YJU2B: variants seen among roughly 807,000 people sequenced by gnomAD.
YJU2B encodes the protein probable splicing factor YJU2B.
YJU2B carries 18 observed loss-of-function variants against 38.0 expected under a neutral mutation model. That is an observed-to-expected ratio of 0.47 (90% CI 0.33 to 0.70). YJU2B has a LOEUF of 0.70. Among genes scored for constraint, YJU2B ranks in the 30% least tolerant of loss-of-function variants. YJU2B has a pLI of 0.02. For synonymous variants in YJU2B, 246 were observed against 225.4 expected (o/e 1.09, Z -0.82); for missense variants, 538 against 556.3 (o/e 0.97, Z 0.33).
chr19:13,747,652 G>C (rs1363946025), upstream of YJU2B: 1 of 152,488 alleles, frequency 6.6e-6, no homozygotes, highest in Non-Finnish European at 1.5e-5. Context: ...GCTGCAGCGC[G>C]CAGGACAGCA....
Position 13,756,186 on chromosome 19 carries a change from T to C in YJU2B, c.58-11T>C. ...AGCAGCACTAATCCGCTCCTCATCC[T>C]CTCCACACAGCATGGCTCTCTCAAC... On this transcript the variant is annotated splice_polypyrimidine_tract_variant and intron_variant, in intron 3 of 9. Coordinates refer to ENST00000221554, the MANE Select transcript of YJU2B (RefSeq NM_030818.4). 1 of 1,612,568 alleles carries C rather than the reference T, an allele frequency of 6.2e-7. No individual in the cohort carries two copies. The highest frequency in any genetic ancestry group is 8.5e-7 in the Non-Finnish European group (1 of 1,178,810).
intron 2 of YJU2B, among the ~76,000 whole-genome samples, chr19:13,739,786 T>G (rs1382664111): frequency 1.3e-5 from 2 of 152,142 alleles, no homozygotes; most frequent in African/African-American, 4.8e-5. Flanking sequence ...ACGTGCAGGT[T>G]TGTTACACAG....
chr19:13,761,049 G>C (rs1461428851), intron 8 of YJU2B, among the ~76,000 whole-genome samples: 1 of 152,040 alleles, frequency 6.6e-6, no homozygotes, highest in Non-Finnish European at 1.5e-5. Context: ...GATTACAGGC[G>C]TGAGCCACTG....
At chr19:13,760,204 G>A (rs1466967312) in intron 8 of YJU2B, among the ~76,000 whole-genome samples, 1 of 151,860 alleles carries the variant, frequency 6.6e-6, no homozygotes, top group African/African-American at 2.4e-5. Context: ...GATTACAGGC[G>A]TGAGCCACCG....
At chr19:13,735,529 GTT>G (rs544973465) in intron 2 of YJU2B, among the ~76,000 whole-genome samples, 1 of 142,264 alleles carries the variant, frequency 7.0e-6, no homozygotes. Context: ...CAGTGTCTGT[GTT>G]TTTTTTTTTT....
chr19:13,757,896 C>T (rs902149575), intron 6 of YJU2B, 50 bp downstream of exon 6: 20 of 1,513,928 alleles, frequency 1.3e-5, no homozygotes, highest in East Asian at 6.8e-5. Flanking sequence ...GGCCACAGGG[C>T]GAGGGGGCTA....
At chr19:13,757,719 C>G (rs571438955) in intron 5 of YJU2B, 67 bp from the exon 6 acceptor site, 1 of 1,496,098 alleles carries the variant, frequency 6.7e-7, no homozygotes, top group Non-Finnish European at 9.3e-7. Context: ...CTCTTTGTAC[C>G]TCATTTTACC....
At chr19:13,744,175 A>G (rs943595840), upstream of YJU2B, among the ~76,000 whole-genome samples, 1 of 152,084 alleles carries the variant, frequency 6.6e-6, no homozygotes, top group Non-Finnish European at 1.5e-5. Flanking sequence ...TGGGCAACAG[A>G]GACTTAGTCT....
intron 8 of YJU2B, among the ~76,000 whole-genome samples, chr19:13,760,040 C>T (rs537942155): frequency 1.3e-5 from 2 of 152,182 alleles, no homozygotes; most frequent in East Asian, 3.9e-4. Flanking sequence ...TATCTGCCTG[C>T]CTCGGCCTCC....
At chr19:13,744,362 C>CT (rs1973175425), upstream of YJU2B, among the ~76,000 whole-genome samples, 1 of 152,154 alleles carries the variant, frequency 6.6e-6, no homozygotes, top group South Asian at 2.1e-4. Flanking sequence ...AAAGTTTAGT[C>CT]TTCACTTCCC....
exon 2 of YJU2B, chr19:13,732,267 C>T (rs1334570989): frequency 2.0e-5 from 3 of 152,170 alleles, no homozygotes; most frequent in Non-Finnish European, 4.4e-5. Flanking sequence ...TGGAGTAACC[C>T]TCACTGGAGA....
chr19:13,757,594 G>C, intron 5 of YJU2B, 121 bp downstream of exon 5: 2 of 1,113,752 alleles, frequency 1.8e-6, no homozygotes, highest in Admixed American at 3.8e-5. Flanking sequence ...GGGCACCCGA[G>C]TGACTGGCTG....
At chr19:13,736,254 C>CTTTTTTTTTTT (rs60385996) in intron 2 of YJU2B, among the ~76,000 whole-genome samples, 1 of 104,244 alleles carries the variant, frequency 9.6e-6, no homozygotes, top group Non-Finnish European at 1.8e-5. Context: ...TTCTTTCTTT[C>CTTTTTTTTTTT]TTTTTTTTTT....
At chr19:13,734,638 G>A (rs1025963972) in intron 2 of YJU2B, among the ~76,000 whole-genome samples, 18 of 152,040 alleles carry the variant, frequency 1.2e-4, no homozygotes, top group African/African-American at 4.1e-4. Context: ...ACCCAGCCTG[G>A]AGTGCAGTGC....
chr19:13,754,198 C>A, intron 2 of YJU2B, 91 bp from the exon 3 acceptor site: 2 of 1,013,346 alleles, frequency 2.0e-6, no homozygotes, highest in South Asian at 2.6e-5. Context: ...AATAAAAAAT[C>A]AGAAAAAATT....
At chr19:13,739,725 AG>A (rs1273534412) in intron 2 of YJU2B, among the ~76,000 whole-genome samples, 15 of 152,300 alleles carry the variant, frequency 9.8e-5, no homozygotes, top group African/African-American at 3.4e-4. Context: ...CTCAGAAAGC[AG>A]GTCAAATAAG....
rs200372696 is a variant in YJU2B, at chr19:13,757,786, G to A, written c.197G>A (p.Gly66Asp). 25 of 1,613,784 alleles carry A rather than the reference G, an allele frequency of 1.5e-5. No homozygotes were observed. The highest frequency in any genetic ancestry group is 8.5e-7 in the Non-Finnish European group (1 of 1,179,910). The change falls in exon 6 of 10, where the codon GGT becomes GAT. Residue 66 changes from glycine to aspartate, a missense_variant and splice_region_variant. By Grantham distance (94) the Gly-to-Asp change is moderately conservative. Around this residue, in one of 2 missense-constraint regions of YJU2B, gnomAD observed 488 missense variants for 469.5 expected, o/e 1.04. Coordinates refer to ENST00000221554, the MANE Select transcript of YJU2B (RefSeq NM_030818.4). The part of the protein sequence containing the change: ...CDGCKNHIGM[G>D]VRYNAEKKKV... Reference sequence around the variant, plus strand: ...CCACCCCCGCCTGACCCCCTTCCAGGTGTTCGTTACAATGCAGAAAAGAAG... The same window carrying A: ...CCACCCCCGCCTGACCCCCTTCCAGATGTTCGTTACAATGCAGAAAAGAAG...
intron 2 of YJU2B, among the ~76,000 whole-genome samples, chr19:13,738,243 G>A (rs974244865): frequency 6.6e-6 from 1 of 152,206 alleles, no homozygotes; most frequent in African/African-American, 2.4e-5. Flanking sequence ...TTCAGTGGAT[G>A]AGCAGAAGAA....
In YJU2B at chr19:13,763,125, C is replaced by A. The variant is rs1005188874; in HGVS notation, c.*57C>A. On this transcript the variant is annotated 3_prime_UTR_variant, in exon 10 of 10. Transcript: ENST00000221554. ...TAGAGGCCCGGACACACCCAGGAGG[C>A]CCCTCACAGACTGCAGACCCCCGGC... 1.4e-6 allele frequency: 2 copies of A among 1,422,694 alleles called. No homozygotes were observed. The highest frequency in any genetic ancestry group is 1.4e-5 in the South Asian group (1 of 72,158). The allele number at this position is 1,422,694 out of a possible 1,614,324, so 88.1% of individuals were successfully genotyped here.
Sources: gnomAD v4.1 joint callset for allele counts (sites outside exome capture counted in the v4.1 genomes callset) on GRCh38, gnomAD v4.1.1 for gene constraint, gnomAD v4.1.1 regional missense constraint, MANE v1.5 for transcripts, NCBI Gene and HGNC (gene_info 2026-07-23, HGNC 2026-07-21) for gene names.